FHIT: variants seen among roughly 807,000 people sequenced by gnomAD.
The protein encoded by FHIT is bis(5'-adenosyl)-triphosphatase.
In FHIT, 19 loss-of-function variants were observed where a neutral mutation model predicts 17.9. The observed-to-expected ratio is 1.06, with a 90% CI of 0.74 to 1.56. The LOEUF is 1.56. Among genes scored for constraint, FHIT ranks in the 40% most tolerant of loss-of-function variants. The pLI, the probability that FHIT is intolerant of heterozygous loss-of-function variation, is 0.00. For synonymous variants in FHIT, 81 were observed against 69.7 expected, an observed-to-expected ratio of 1.16 and a Z score of -0.81; for missense variants, 248 against 189.2, an observed-to-expected ratio of 1.31 and a Z score of -1.82.
At chr3:60,130,522 C>T (rs1372796563) in intron 5 of FHIT, among the ~76,000 whole-genome samples, 1 of 152,104 alleles carries the variant, frequency 6.6e-6, no homozygotes, top group Non-Finnish European at 1.5e-5. Flanking sequence ...GCATGACTCT[C>T]AGGTTACAGA....
intron 8 of FHIT, among the ~76,000 whole-genome samples, chr3:59,851,936 C>T (rs1023866935): frequency 3.9e-5 from 6 of 152,210 alleles, no homozygotes; most frequent in African/African-American, 1.4e-4. Context: ...ACCTGTAGAA[C>T]TGATTGTAAT....
chr3:61,036,707 T>C (rs549693920), intron 3 of FHIT, among the ~76,000 whole-genome samples: 2 of 152,286 alleles, frequency 1.3e-5, no homozygotes, highest in East Asian at 1.9e-4. Flanking sequence ...GAGGAGTTTA[T>C]TAGGTCAATC....
intron 8 of FHIT, among the ~76,000 whole-genome samples, chr3:59,841,336 G>A (rs1287424566): frequency 6.6e-6 from 1 of 152,154 alleles, no homozygotes; most frequent in East Asian, 1.9e-4. Context: ...CTGTAAGGTG[G>A]ATAGTGATTA....
chr3:60,690,630 T>G, intron 4 of FHIT: 1 of 524,410 alleles, frequency 1.9e-6, no homozygotes, highest in Non-Finnish European at 3.9e-6. Context: ...CTGCTGTCTT[T>G]GGAAGCTTGT....
intron 8 of FHIT, among the ~76,000 whole-genome samples, chr3:59,840,649 A>G (rs1210659351): frequency 2.0e-5 from 3 of 152,058 alleles, no homozygotes; most frequent in Non-Finnish European, 4.4e-5. Context: ...CAATCCTCAA[A>G]ATGCAGACAC....
At chr3:60,340,759 G>C (rs998584352) in intron 5 of FHIT, among the ~76,000 whole-genome samples, 11 of 152,104 alleles carry the variant, frequency 7.2e-5, no homozygotes, top group African/African-American at 9.7e-5. Context: ...CCAGGCTGCA[G>C]TGCAGTGGCG....
chr3:60,021,937 A>T (rs1419030593), intron 5 of FHIT, among the ~76,000 whole-genome samples: 2 of 152,244 alleles, frequency 1.3e-5, no homozygotes, highest in Non-Finnish European at 2.9e-5. Flanking sequence ...ACTGCATGAA[A>T]TGAAGTAAAA....
intron 5 of FHIT, among the ~76,000 whole-genome samples, chr3:60,240,855 A>G (rs928362423): frequency 6.6e-5 from 10 of 152,176 alleles, no homozygotes; most frequent in African/African-American, 2.4e-4. Context: ...GCTTTGAAAT[A>G]AACCAGGAAA....
chr3:61,079,396 C>G (rs1251575950), intron 2 of FHIT, among the ~76,000 whole-genome samples: 1 of 151,986 alleles, frequency 6.6e-6, no homozygotes, highest in Non-Finnish European at 1.5e-5. Context: ...AATTTGGATA[C>G]CAGTCTGTTT....
At chr3:59,829,038 A>C (rs956219836) in intron 8 of FHIT, among the ~76,000 whole-genome samples, 1 of 152,208 alleles carries the variant, frequency 6.6e-6, no homozygotes, top group Non-Finnish European at 1.5e-5. Flanking sequence ...AAAAAGATAA[A>C]ATGTGGATGC....
At chr3:60,067,685 T>C (rs1702577561) in intron 5 of FHIT, among the ~76,000 whole-genome samples, 1 of 152,180 alleles carries the variant, frequency 6.6e-6, no homozygotes, top group Non-Finnish European at 1.5e-5. Context: ...TCACTTTTTC[T>C]TTTTAGTCGA....
chr3:60,498,071 A>ATG (rs1252605407), intron 5 of FHIT, among the ~76,000 whole-genome samples: 2 of 152,226 alleles, frequency 1.3e-5, no homozygotes, highest in Admixed American at 1.3e-4. Flanking sequence ...AAAGGAACAA[A>ATG]TGTGGCTGTG....
intron 5 of FHIT, among the ~76,000 whole-genome samples, chr3:60,328,853 T>C (rs1401452663): frequency 6.6e-6 from 1 of 152,200 alleles, no homozygotes; most frequent in Non-Finnish European, 1.5e-5. Context: ...GGAAGCAGCA[T>C]TACCTCTAGA....
chr3:60,399,499 T>A (rs1382761652), intron 5 of FHIT, among the ~76,000 whole-genome samples: 1 of 152,194 alleles, frequency 6.6e-6, no homozygotes, highest in Non-Finnish European at 1.5e-5. Context: ...ACTCACACTC[T>A]ATTTTGGACT....
At chr3:60,209,490 C>T (rs1246816496) in intron 5 of FHIT, among the ~76,000 whole-genome samples, 2 of 152,162 alleles carry the variant, frequency 1.3e-5, no homozygotes, top group Non-Finnish European at 2.9e-5. Context: ...TTCTTACATT[C>T]CTACTCCTGA....
intron 8 of FHIT, among the ~76,000 whole-genome samples, chr3:59,824,127 T>C: frequency 6.6e-6 from 1 of 152,204 alleles, no homozygotes; most frequent in Admixed American, 6.5e-5. Flanking sequence ...CTTCAGAATA[T>C]ACCTAACCAA....
chr3:61,247,542 C>T (rs1325011477), intron 1 of FHIT, among the ~76,000 whole-genome samples: 1 of 152,212 alleles, frequency 6.6e-6, no homozygotes, highest in Non-Finnish European at 1.5e-5. Flanking sequence ...TCTCAGCAGG[C>T]AGTACCGAGC....
intron 5 of FHIT, among the ~76,000 whole-genome samples, chr3:60,057,188 T>C (rs1248838196): frequency 6.6e-6 from 1 of 152,214 alleles, no homozygotes; most frequent in East Asian, 1.9e-4. Flanking sequence ...CATTATTTCA[T>C]ATAAACCTTA....
At chr3:60,463,356 T>C (rs1405277818) in intron 5 of FHIT, among the ~76,000 whole-genome samples, 1 of 152,190 alleles carries the variant, frequency 6.6e-6, no homozygotes, top group East Asian at 1.9e-4. Flanking sequence ...GAACATAATT[T>C]TTCTTCTTTT....
Sources: gnomAD v4.1 joint callset for allele counts (sites outside exome capture counted in the v4.1 genomes callset) on GRCh38, gnomAD v4.1.1 for gene constraint, MANE v1.5 for transcripts, NCBI Gene and HGNC (gene_info 2026-07-23, HGNC 2026-07-21) for gene names.